Variants in BACH2 observed in about 807,000 individuals in gnomAD.
BACH2 encodes the protein BACH transcriptional regulator 2.
Under a neutral mutation model 61.8 loss-of-function variants are expected in BACH2, and 5 were observed. The ratio of observed to expected loss-of-function variants is 0.08; its 90% confidence interval spans 0.04 to 0.17. BACH2 has a LOEUF of 0.17. Among genes scored for constraint, BACH2 ranks in the 10% least tolerant of loss-of-function variants. BACH2 has a pLI of 1.00. For missense variants in BACH2, 824 were observed against 1,091.1 expected, an observed-to-expected ratio of 0.76 and a Z score of 3.45; for synonymous variants, 446 against 440.1, an observed-to-expected ratio of 1.01 and a Z score of -0.17.
chr6:90,230,924 T>C (rs1292789502), intron 3 of BACH2, among the ~76,000 whole-genome samples: 1 of 152,200 alleles, frequency 6.6e-6, no homozygotes, highest in African/African-American at 2.4e-5. Flanking sequence ...GTGAGAAGCA[T>C]GCCTGAGAGG....
chr6:90,277,936 G>T (rs1284495779), intron 1 of BACH2, among the ~76,000 whole-genome samples: 9 of 152,182 alleles, frequency 5.9e-5, no homozygotes, highest in African/African-American at 1.9e-4. Flanking sequence ...AGCCTTTAAA[G>T]TTACATGGTT....
chr6:90,077,240 T>C (rs1781511822), intron 5 of BACH2, among the ~76,000 whole-genome samples: 1 of 152,104 alleles, frequency 6.6e-6, no homozygotes, highest in African/African-American at 2.4e-5. Flanking sequence ...CTCTCACCTA[T>C]TATTTTTACA....
chr6:90,094,929 A>C (rs949920163), intron 4 of BACH2, among the ~76,000 whole-genome samples: 1 of 152,210 alleles, frequency 6.6e-6, no homozygotes, highest in Non-Finnish European at 1.5e-5. Flanking sequence ...CAATGGTTAG[A>C]AAACAAAATA....
At chr6:90,095,052 A>T (rs1782325191) in intron 4 of BACH2, among the ~76,000 whole-genome samples, 1 of 152,212 alleles carries the variant, frequency 6.6e-6, no homozygotes, top group Admixed American at 6.5e-5. Flanking sequence ...TAAAAATATT[A>T]CTGAAAATCT....
chr6:90,039,080 T>C (rs1251618471), intron 5 of BACH2, among the ~76,000 whole-genome samples: 1 of 152,096 alleles, frequency 6.6e-6, no homozygotes, highest in Non-Finnish European at 1.5e-5. Context: ...AGCCATGATC[T>C]GCACCCTGCT....
At chr6:90,066,985 C>T (rs968634343) in intron 5 of BACH2, among the ~76,000 whole-genome samples, 5 of 152,354 alleles carry the variant, frequency 3.3e-5, no homozygotes, top group Admixed American at 6.5e-5. Context: ...GGGTGACGTG[C>T]ATAGCACAGT....
intron 1 of BACH2, among the ~76,000 whole-genome samples, chr6:90,295,627 T>C (rs1772322974): frequency 6.6e-6 from 1 of 151,386 alleles, no homozygotes; most frequent in African/African-American, 2.4e-5. Context: ...TGGGTGAAGC[T>C]TCTGGGGCTT....
chr6:90,216,256 C>T (rs1309643522), intron 3 of BACH2, among the ~76,000 whole-genome samples: 1 of 152,210 alleles, frequency 6.6e-6, no homozygotes, highest in Non-Finnish European at 1.5e-5. Context: ...GAAAGCTCCA[C>T]ATTCCTTATT....
At chr6:90,170,101 T>C (rs1767762357) in intron 4 of BACH2, among the ~76,000 whole-genome samples, 2 of 152,202 alleles carry the variant, frequency 1.3e-5, no homozygotes, top group East Asian at 1.9e-4. Flanking sequence ...TAGAAACTTC[T>C]ACAAATGTAT....
chr6:90,127,111 TGACA>T (rs1230080580), intron 4 of BACH2, among the ~76,000 whole-genome samples: 1 of 152,242 alleles, frequency 6.6e-6, no homozygotes, highest in Non-Finnish European at 1.5e-5. Flanking sequence ...CAGAAAGCTT[TGACA>T]GACTGTCTTA....
chr6:90,076,268 T>C (rs1350695275), intron 5 of BACH2, among the ~76,000 whole-genome samples: 1 of 152,142 alleles, frequency 6.6e-6, no homozygotes, highest in Non-Finnish European at 1.5e-5. Flanking sequence ...GAGGATTAAA[T>C]CTTCATAATG....
intron 5 of BACH2, among the ~76,000 whole-genome samples, chr6:90,063,252 G>A (rs995095156): frequency 3.0e-4 from 45 of 152,266 alleles, no homozygotes; most frequent in African/African-American, 1.1e-3. Context: ...GGCTAATGAT[G>A]GTTGAGAAAC....
At chr6:90,258,713 AT>A in intron 2 of BACH2, among the ~76,000 whole-genome samples, 1 of 152,034 alleles carries the variant, frequency 6.6e-6, no homozygotes, top group South Asian at 2.1e-4. Context: ...ATATCTTTCC[AT>A]TTTTTTGTGC....
chr6:90,201,821 C>T, intron 4 of BACH2, among the ~76,000 whole-genome samples: 1 of 152,184 alleles, frequency 6.6e-6, no homozygotes, highest in East Asian at 1.9e-4. Flanking sequence ...ACAAGGAGGA[C>T]CTGGCCAATG....
At chr6:90,239,065 A>G (rs1233154029) in intron 3 of BACH2, among the ~76,000 whole-genome samples, 1 of 152,256 alleles carries the variant, frequency 6.6e-6, no homozygotes, top group Non-Finnish European at 1.5e-5. Flanking sequence ...TAGCTGCTGC[A>G]CTGAATTTTA....
intron 7 of BACH2, among the ~76,000 whole-genome samples, chr6:89,939,829 T>A (rs985956081): frequency 1.5e-5 from 2 of 132,008 alleles, no homozygotes; most frequent in Non-Finnish European, 3.1e-5. Context: ...TTAAATTTTT[T>A]TTTTTTTTTT....
At chr6:90,220,705 G>T (rs1482800450) in intron 3 of BACH2, among the ~76,000 whole-genome samples, 1 of 152,118 alleles carries the variant, frequency 6.6e-6, no homozygotes, top group Non-Finnish European at 1.5e-5. Flanking sequence ...ACAGATGATG[G>T]CGTCTATTAA....
intron 5 of BACH2, among the ~76,000 whole-genome samples, chr6:90,044,020 T>C (rs1466450218): frequency 6.6e-6 from 1 of 152,210 alleles, no homozygotes; most frequent in African/African-American, 2.4e-5. Context: ...ATGGAGTGTC[T>C]ACCATGTATA....
chr6:89,997,747 C>T (rs1776929873), intron 6 of BACH2, among the ~76,000 whole-genome samples: 1 of 152,194 alleles, frequency 6.6e-6, no homozygotes, highest in South Asian at 2.1e-4. Context: ...AAGGGTTTCT[C>T]TGGATAGATC....
Sources: allele counts gnomAD v4.1 joint callset (sites outside exome capture counted in the v4.1 genomes callset), GRCh38; gene constraint gnomAD v4.1.1; transcripts MANE v1.5; gene names NCBI Gene and HGNC (gene_info 2026-07-23, HGNC 2026-07-21).